The following PAPOLA variants were observed in gnomAD, a reference collection of about 807,000 sequenced individuals.
PAPOLA encodes the protein polynucleotide adenylyltransferase alpha.
Under a neutral mutation model 100.6 loss-of-function variants are expected in PAPOLA, and 15 were observed. The observed-to-expected ratio is 0.15, with a 90% CI of 0.10 to 0.23. The LOEUF (loss-of-function observed/expected upper bound fraction) is 0.23, where lower values mean the gene tolerates loss of function less well. PAPOLA is among the 10% of genes least tolerant of loss of function. PAPOLA has a pLI of 1.00. For missense variants in PAPOLA, 533 were observed against 884.2 expected (o/e 0.60, Z 5.04); for synonymous variants, 293 against 300.0 (o/e 0.98, Z 0.24).
At chr14:96,520,969 A>G in intron 2 of PAPOLA, 37 bp from the exon 3 acceptor site, 4 of 937,666 alleles carry the variant, frequency 4.3e-6, no homozygotes, top group Non-Finnish European at 7.1e-6. Context: ...ATCAGTAATG[A>G]TCTGGAATAC....
chr14:96,535,509 T>TA (rs1206796661), intron 10 of PAPOLA: 21 of 987,864 alleles, frequency 2.1e-5, no homozygotes, highest in Non-Finnish European at 2.5e-5. Context: ...AAAATTAGCT[T>TA]ACAAAACATT....
intron 21 of PAPOLA, among the ~76,000 whole-genome samples, chr14:96,563,445 G>C (rs759250279): frequency 1.3e-5 from 2 of 151,972 alleles, no homozygotes; most frequent in Non-Finnish European, 2.9e-5. Flanking sequence ...TCATTGATTT[G>C]TGAACCTTCA....
In PAPOLA at chr14:96,556,213, C is replaced by T. The variant is rs1217628960; in HGVS notation, c.1804C>T (p.Pro602Ser). ...SESIPQTATQ[P>S]AISPPPKPTV... Reference sequence around the variant, plus strand: ...AAGCATTCCTCAAACTGCCACACAACCAGCCATTTCTCCACCACCAAAGCC... The same window carrying T: ...AAGCATTCCTCAAACTGCCACACAATCAGCCATTTCTCCACCACCAAAGCC... The change falls in exon 19 of 22, where the codon CCA (proline) becomes TCA (serine). Residue 602 changes from proline to serine, a missense_variant. By Grantham distance (74) the Pro-to-Ser change is moderately conservative (BLOSUM62 -1). Around this residue, in one of 9 missense-constraint regions of PAPOLA, gnomAD observed 242 missense variants for 281.0 expected, o/e 0.86. Transcript: ENST00000216277. The T allele has an allele frequency of 1.9e-6, 3 of 1,614,052 alleles. No homozygotes were observed. The highest frequency in any genetic ancestry group is 2.2e-5 in the East Asian group (1 of 44,882).
At chr14:96,513,007 TC>T (rs2140236943) in intron 1 of PAPOLA, among the ~76,000 whole-genome samples, 1 of 152,368 alleles carries the variant, frequency 6.6e-6, no homozygotes, top group Non-Finnish European at 1.5e-5. Flanking sequence ...TGGTCTGTCT[TC>T]CAGTCTTTGC....
At chr14:96,531,086 C>G (rs557877479) in intron 6 of PAPOLA, among the ~76,000 whole-genome samples, 1 of 152,138 alleles carries the variant, frequency 6.6e-6, no homozygotes, top group Non-Finnish European at 1.5e-5. Flanking sequence ...CACTGCAGTT[C>G]TGCCTCCTGG....
chr14:96,525,337 G>T lies in PAPOLA; in HGVS notation c.277G>T (p.Val93Phe). Residue 93 changes from valine to phenylalanine, a missense_variant, in exon 4 of 22, where the codon GTT becomes TTT. Transcript: ENST00000216277. ...TCTTCCACAATCTGTAATTGAAAAT[G>T]TTGGAGGAAAAATTTTTACATTTGG... ...KNLPQSVIEN[V>F]GGKIFTFGSY... 1 of 1,523,862 alleles carries T rather than the reference G, an allele frequency of 6.6e-7. No individual in the cohort carries two copies. Among genetic ancestry groups the T allele is most frequent in the South Asian group, 1.2e-5 (1 of 86,092 alleles). 94.4% of individuals were successfully genotyped at this position (1,523,862 alleles called of 1,614,324 possible).
At chr14:96,503,525 T>C (rs1459046645) in intron 1 of PAPOLA, among the ~76,000 whole-genome samples, 15 of 152,122 alleles carry the variant, frequency 9.9e-5, no homozygotes, top group Admixed American at 3.9e-4. Flanking sequence ...ATTTTTTTTT[T>C]CCTGCAAATA....
chr14:96,532,198 CT>C, intron 7 of PAPOLA, 132 bp from the exon 8 acceptor site: 1 of 1,403,816 alleles, frequency 7.1e-7, no homozygotes, highest in Non-Finnish European at 9.2e-7. Context: ...TTTATGTTTA[CT>C]TTTAACTTCA....
chr14:96,550,074 A>G (rs1327190296), intron 16 of PAPOLA, among the ~76,000 whole-genome samples: 6 of 152,350 alleles, frequency 3.9e-5, no homozygotes, highest in South Asian at 4.1e-4. Flanking sequence ...TGTGTGCCCA[A>G]TAGTTCAAGG....
chr14:96,519,817 A>G (rs911321698), intron 1 of PAPOLA, among the ~76,000 whole-genome samples: 3 of 152,168 alleles, frequency 2.0e-5, no homozygotes, highest in Non-Finnish European at 2.9e-5. Context: ...TTCTCTAGCA[A>G]TGTATTTGGT....
intron 1 of PAPOLA, among the ~76,000 whole-genome samples, chr14:96,518,147 A>G (rs1418932524): frequency 6.6e-6 from 1 of 152,224 alleles, no homozygotes; most frequent in Admixed American, 6.5e-5. Context: ...TTATTCAGTA[A>G]ATGTTATTAT....
chr14:96,525,257 G>T, intron 3 of PAPOLA, 53 bp from the exon 4 acceptor site: 1 of 813,490 alleles, frequency 1.2e-6, no homozygotes, highest in South Asian at 1.4e-5. Flanking sequence ...AGTATCATTT[G>T]AATAGTTTCC....
intron 15 of PAPOLA, among the ~76,000 whole-genome samples, chr14:96,546,693 T>A (rs1900419281): frequency 1.3e-5 from 2 of 152,136 alleles, no homozygotes; most frequent in African/African-American, 2.4e-5. Context: ...AAAGACCATA[T>A]AGCCATAGCC....
At chr14:96,523,031 A>G (rs1418439361) in intron 3 of PAPOLA, among the ~76,000 whole-genome samples, 6 of 152,230 alleles carry the variant, frequency 3.9e-5, no homozygotes, top group Non-Finnish European at 8.8e-5. Flanking sequence ...GTGTATATGT[A>G]TATTTCAAAA....
intron 15 of PAPOLA, among the ~76,000 whole-genome samples, chr14:96,545,160 A>G (rs574037564): frequency 6.6e-6 from 1 of 152,216 alleles, no homozygotes; most frequent in South Asian, 2.1e-4. Context: ...GAGAACATAC[A>G]GACTTAAAAT....
At chr14:96,505,391 A>G (rs931088877) in intron 1 of PAPOLA, among the ~76,000 whole-genome samples, 11 of 152,152 alleles carry the variant, frequency 7.2e-5, no homozygotes, top group Admixed American at 2.0e-4. Flanking sequence ...AACTAGATGT[A>G]TTTCTGCCCT....
Position 96,531,536 on chromosome 14 carries a change from A to G in PAPOLA, c.557A>G (p.Asp186Gly). ...ATTCCTGAAGATTTGGATCTACGAG[A>G]TGACAGTCTGCTAAAAAATTTAGAT... ...QTIPEDLDLR[D>G]DSLLKNLDIR... is the part of the protein sequence containing the mutation. The change falls in exon 7 of 22, where the codon GAT (aspartate) becomes GGT (glycine). Residue 186 changes from aspartate (D) to glycine (G), a missense_variant. Transcript: ENST00000216277. 1 of 1,610,010 alleles carries G rather than the reference A, an allele frequency of 6.2e-7. No individual in the cohort carries two copies. The highest frequency in any genetic ancestry group is 1.1e-5 in the South Asian group (1 of 90,672).
intron 15 of PAPOLA, 45 bp from the exon 16 acceptor site, chr14:96,547,752 T>C (rs761265647): frequency 6.7e-7 from 1 of 1,493,582 alleles, no homozygotes; most frequent in Non-Finnish European, 9.1e-7. Context: ...TAACTGCCTT[T>C]ATTAAAATGT....
intron 1 of PAPOLA, among the ~76,000 whole-genome samples, chr14:96,512,977 T>G (rs11623142): frequency 6.6e-6 from 1 of 152,132 alleles, no homozygotes; most frequent in East Asian, 1.9e-4. Context: ...TCTGTTGTGC[T>G]GGAATTCGGG....
Sources: gnomAD v4.1 joint callset for allele counts (sites outside exome capture counted in the v4.1 genomes callset) on GRCh38, gnomAD v4.1.1 for gene constraint, gnomAD v4.1.1 regional missense constraint, MANE v1.5 for transcripts, NCBI Gene and HGNC (gene_info 2026-07-23, HGNC 2026-07-21) for gene names.